FGFR4: variants seen among roughly 807,000 people sequenced by gnomAD.
FGFR4 encodes the protein hydroxyaryl-protein kinase.
FGFR4 carries 63 observed loss-of-function variants against 89.9 expected under a neutral mutation model. The observed-to-expected ratio is 0.70, with a 90% CI of 0.57 to 0.86. The LOEUF (loss-of-function observed/expected upper bound fraction) is 0.86, where lower values mean the gene tolerates loss of function less well. Ranked by LOEUF, FGFR4 falls within the 40% of genes least tolerant of loss-of-function variation. FGFR4 has a pLI of 0.00. For synonymous variants in FGFR4, 486 were observed against 479.4 expected (o/e 1.01, Z -0.18); for missense variants, 928 against 1,106.7 (o/e 0.84, Z 2.29).
rs1446930826 is a variant in FGFR4 at position 177,095,429 on chromosome 5, G to C, written c.1619G>C (p.Cys540Ser). The C allele has an allele frequency of 1.3e-5, 21 of 1,614,198 alleles. No homozygotes were observed. The highest frequency in any genetic ancestry group is 1.6e-5 in the Non-Finnish European group (19 of 1,180,028). Reference protein sequence around the residue: ...HKNIINLLGVCTQEGPLYVIV... With the variant: ...HKNIINLLGVSTQEGPLYVIV... ...AACATCATCAACCTGCTTGGTGTCT[G>C]CACCCAGGAAGGTGGGGCCGAGGCG... The change falls in exon 12 of 18, where the codon TGC (cysteine) becomes TCC (serine). Residue 540 changes from cysteine (C) to serine (S), a missense_variant. This residue lies in a region of FGFR4 where 741 missense variants were observed against 836.9 expected (regional missense o/e 0.89). Coordinates refer to ENST00000292408, the MANE Select transcript of FGFR4 (RefSeq NM_213647.3). This position sits in a 1 kb window ranked among gnomAD's most constrained non-coding sequence, Gnocchi z 5.7.
Position 177,090,505 on chromosome 5 carries a change from G to A in FGFR4, c.207G>A (p.Glu69=). Residue 69 remains glutamate (E), a synonymous_variant, in exon 3 of 18, where the codon GAG becomes GAA. Transcript: ENST00000292408. The part of the protein sequence containing the change: ...RAERGGHWYK[E]GSRLAPAGRV... ...AGCGTGGTGGCCACTGGTACAAGGA[G>A]GGCAGTCGCCTGGCACCTGCTGGCC... The A allele has an allele frequency of 6.4e-7, 1 of 1,570,438 alleles. No individual in the cohort carries two copies. Among genetic ancestry groups the A allele is most frequent in the South Asian group, 1.2e-5 (1 of 83,708 alleles).
rs1784547735 is a variant in FGFR4 at position 177,096,040 on chromosome 5, G to A, written c.1822-17G>A. ...AGGCCAGGTGTCCTGAGGCACCCAAGCCCCCGCTCCCTGCAGTGTATCCAC... is the reference window on the plus strand; with the variant it reads ...AGGCCAGGTGTCCTGAGGCACCCAAACCCCCGCTCCCTGCAGTGTATCCAC... On this transcript the variant is annotated splice_polypyrimidine_tract_variant and intron_variant, in intron 13 of 17. Transcript: ENST00000292408. The A allele has an allele frequency of 6.2e-7, 1 of 1,610,034 alleles. No individual in the cohort carries two copies. The highest frequency in any genetic ancestry group is 2.2e-5 in the East Asian group (1 of 44,846).
Position 177,090,670 on chromosome 5 carries a change from G to A in FGFR4, c.355+17G>A. ...TTACAGGTGGTAAGAGACTCTAGCAGGGAGTGAAGGGATGCCTGGGGAGAC... is the reference window on the plus strand; with the variant it reads ...TTACAGGTGGTAAGAGACTCTAGCAAGGAGTGAAGGGATGCCTGGGGAGAC... On this transcript the variant is annotated intron_variant, in intron 3 of 17. Transcript: ENST00000292408. 6.5e-7 allele frequency: 1 copy of A among 1,531,574 alleles called. No homozygotes were observed. Among genetic ancestry groups the A allele is most frequent in the African/African-American group, 1.4e-5 (1 of 72,274 alleles). 94.9% of individuals were successfully genotyped at this position (1,531,574 alleles called of 1,614,324 possible). A position where few individuals can be genotyped will look rare whatever the true frequency, so the allele number is the denominator to read the frequency against.
rs1165081855 is a variant in FGFR4, at chr5:177,091,668, A to G, written c.604-17A>G. The G allele has an allele frequency of 1.9e-6, 3 of 1,612,728 alleles. No individual in the cohort carries two copies. The highest frequency in any genetic ancestry group is 1.1e-5 in the South Asian group (1 of 90,954). ...TGGACATGGTCCGGTGGTCCCGGACACTCTCTCTGCCTGCAGCTGCGCCAT... is the reference window on the plus strand; with the variant it reads ...TGGACATGGTCCGGTGGTCCCGGACGCTCTCTCTGCCTGCAGCTGCGCCAT... On this transcript the variant is annotated splice_polypyrimidine_tract_variant and intron_variant, in intron 5 of 17. Coordinates refer to ENST00000292408, the MANE Select transcript of FGFR4 (RefSeq NM_213647.3).
chr5:177,092,739 TC>T lies in FGFR4; in HGVS notation c.1014del (p.Ile339SerfsTer112). ...AGEYTCLAGN[S>X]IGLSYQSAWL... The stretch of plus-strand genomic sequence containing the variant: ...CGAGTACACCTGCCTCGCAGGCAAT[TC>T]CATCGGCCTCTCCTACCAGTCTGCC... On this transcript the variant is annotated frameshift_variant, in exon 8 of 18. Coordinates refer to ENST00000292408, the MANE Select transcript of FGFR4 (RefSeq NM_213647.3). LOFTEE classifies it high-confidence loss of function. 6.2e-7 allele frequency: 1 copy of T among 1,614,234 alleles called. No individual in the cohort carries two copies. The highest frequency in any genetic ancestry group is 8.5e-7 in the Non-Finnish European group (1 of 1,180,040).
chr5:177,091,002 C>T lies in FGFR4; in HGVS notation c.501C>T (p.Thr167=), dbSNP rs754899280. ...KKLHAVPAGN[T]VKFRCPAAGN... is the part of the protein sequence containing the mutation. Reference sequence around the variant, plus strand: ...TGCATGCAGTACCTGCGGGGAACACCGTCAAGTTCCGCTGTCCAGCTGCAG... The same window carrying T: ...TGCATGCAGTACCTGCGGGGAACACTGTCAAGTTCCGCTGTCCAGCTGCAG... Residue 167 remains threonine, a synonymous_variant, in exon 5 of 18, where the codon ACC becomes ACT. Transcript: ENST00000292408. The T allele has an allele frequency of 6.8e-6, 11 of 1,613,694 alleles. No homozygotes were observed. The highest frequency in any genetic ancestry group is 3.3e-5 in the Admixed American group (2 of 59,998).
At chr5:177,094,394 G>A (rs1784476984) in intron 11 of FGFR4, among the ~76,000 whole-genome samples, 1 of 152,124 alleles carries the variant, frequency 6.6e-6, no homozygotes, top group Non-Finnish European at 1.5e-5. Flanking sequence ...GAAGAATTTG[G>A]TGTGACAGGC....
chr5:177,093,528 A>C lies in FGFR4; in HGVS notation c.1374A>C (p.Pro458=), dbSNP rs764371498. The change falls in exon 10 of 18, where the codon CCA becomes CCC. Residue 458 remains proline, a synonymous_variant. Transcript: ENST00000292408. This position sits in a 1 kb window ranked among gnomAD's most constrained non-coding sequence, Gnocchi z 5.8. ...TGAGTCTAGATCTACCTCTCGACCC[A>C]CTATGGGAGTTCCCCCGGGACAGGT... The part of the protein sequence containing the change: ...GLVSLDLPLD[P]LWEFPRDRLV... The C allele has an allele frequency of 3.1e-6, 5 of 1,613,576 alleles. No individual in the cohort carries two copies. Among genetic ancestry groups the C allele is most frequent in the Non-Finnish European group, 4.2e-6 (5 of 1,179,910 alleles).
intron 1 of FGFR4, among the ~76,000 whole-genome samples, chr5:177,088,868 A>G (rs1784252257): frequency 1.3e-5 from 2 of 151,798 alleles, no homozygotes; most frequent in Admixed American, 1.3e-4. Context: ...TGAGGATAGT[A>G]AGCCAGAGAG....
chr5:177,093,023 CGT>C lies in FGFR4; in HGVS notation c.1058-108_1058-107del, dbSNP rs760633822. 2.1e-6 allele frequency: 3 copies of C among 1,432,712 alleles called. No homozygotes were observed. The highest frequency in any genetic ancestry group is 2.9e-6 in the Non-Finnish European group (3 of 1,030,728). 88.7% of individuals were successfully genotyped at this position (1,432,712 alleles called of 1,614,324 possible). A position where few individuals can be genotyped will look rare whatever the true frequency, so the allele number is the denominator to read the frequency against. ...GACTGGGCATAACTACAGCTTCCTC[CGT>C]GTGTGTCCCCACATATGTTGGGAGC... On this transcript the variant is annotated intron_variant, in intron 8 of 17. Transcript: ENST00000292408. The surrounding 1 kb of genome is among the most constrained non-coding windows in gnomAD (Gnocchi z 5.8).
chr5:177,097,519 C>T lies in FGFR4; in HGVS notation c.2260-8C>T, dbSNP rs1192870828. The T allele has an allele frequency of 6.2e-7, 1 of 1,611,686 alleles. No homozygotes were observed. Among genetic ancestry groups the T allele is most frequent in the Non-Finnish European group, 8.5e-7 (1 of 1,178,718 alleles). ...GCTGCAGAGGCTGACCAGCTCCGTT[C>T]CCCACAGTACCTCGACCTCCGCCTG... is the stretch of plus-strand genomic sequence containing the variant. On this transcript the variant is annotated splice_polypyrimidine_tract_variant and splice_region_variant and intron_variant, in intron 17 of 17. Coordinates refer to ENST00000292408, the MANE Select transcript of FGFR4 (RefSeq NM_213647.3).
Position 177,095,416 on chromosome 5 carries a change from C to A in FGFR4, c.1606C>A (p.Leu536Met). The change falls in exon 12 of 18, where the codon CTG becomes ATG. Residue 536 changes from leucine to methionine, a missense_variant. Leu to Met is a conservative substitution (Grantham distance 15, BLOSUM62 2). Transcript: ENST00000292408. This position sits in a 1 kb window ranked among gnomAD's most constrained non-coding sequence, Gnocchi z 5.7. ...CGGCCGACACAAGAACATCATCAAC[C>A]TGCTTGGTGTCTGCACCCAGGAAGG... The part of the protein sequence containing the change: ...LIGRHKNIIN[L>M]LGVCTQEGPL... 6.2e-7 allele frequency: 1 copy of A among 1,614,230 alleles called. No individual in the cohort carries two copies. Among genetic ancestry groups the A allele is most frequent in the Non-Finnish European group, 8.5e-7 (1 of 1,180,044 alleles).
Position 177,095,784 on chromosome 5 carries a change from G to A in FGFR4, c.1821+61G>A. ...CTCCAGCTCCACTCTCAGGCCTGTGGCATTCAATGTCCCGACTTCTCCCTC... is the reference window on the plus strand; with the variant it reads ...CTCCAGCTCCACTCTCAGGCCTGTGACATTCAATGTCCCGACTTCTCCCTC... On this transcript the variant is annotated intron_variant, in intron 13 of 17. Coordinates refer to ENST00000292408, the MANE Select transcript of FGFR4 (RefSeq NM_213647.3). This position sits in a 1 kb window ranked among gnomAD's most constrained non-coding sequence, Gnocchi z 5.7. The A allele has an allele frequency of 6.9e-7, 1 of 1,455,692 alleles. No individual in the cohort carries two copies. The highest frequency in any genetic ancestry group is 9.2e-7 in the Non-Finnish European group (1 of 1,092,730). 90.2% of individuals were successfully genotyped at this position (1,455,692 alleles called of 1,614,324 possible).
In FGFR4 at chr5:177,093,927, T is replaced by C. The variant is rs1266687429; in HGVS notation, c.1519+152T>C. 2 of 964,754 alleles carry C rather than the reference T, an allele frequency of 2.1e-6. No individual in the cohort carries two copies. The highest frequency in any genetic ancestry group is 3.0e-6 in the Non-Finnish European group (2 of 672,644). 59.8% of individuals were successfully genotyped at this position (964,754 alleles called of 1,614,324 possible). On this transcript the variant is annotated intron_variant, in intron 11 of 17. Transcript: ENST00000292408. This position sits in a 1 kb window ranked among gnomAD's most constrained non-coding sequence, Gnocchi z 5.8. ...ACAAAAAAAAAATAAGAAAATTAGT[T>C]GGGTGTGGTGGTGTGTGCCTTTAGT...
chr5:177,092,732 A>G lies in FGFR4; in HGVS notation c.1005A>G (p.Ala335=). ...AEDAGEYTCL[A]GNSIGLSYQS... The stretch of plus-strand genomic sequence containing the variant: ...ACGCAGGCGAGTACACCTGCCTCGC[A>G]GGCAATTCCATCGGCCTCTCCTACC... The change falls in exon 8 of 18, where the codon GCA becomes GCG. Residue 335 remains alanine (A), a synonymous_variant. Coordinates refer to ENST00000292408, the MANE Select transcript of FGFR4 (RefSeq NM_213647.3). 6.2e-7 allele frequency: 1 copy of G among 1,614,246 alleles called. No homozygotes were observed. The highest frequency in any genetic ancestry group is 8.5e-7 in the Non-Finnish European group (1 of 1,180,038).
rs1402034116 is a variant in FGFR4, at chr5:177,096,905, TTCCTCCTCCTCTTCC to T, written c.2153+199_2153+213del. Among the ~76,000 whole-genome samples the T allele has an allele frequency of 1.0e-3, 16 of 15,506 alleles. 1 individual carries two copies. The highest frequency in any genetic ancestry group is 1.9e-3 in the Non-Finnish European group (15 of 8,092). The allele number at this position is 15,506 out of a possible 152,430, so 10.2% of individuals were successfully genotyped here. A position where few individuals can be genotyped will look rare whatever the true frequency, so the allele number is the denominator to read the frequency against. ...CCTCCTCCTCTTCCTCCTCCTCCTC[TTCCTCCTCCTCTTCC>T]TCCTCCTCCTCTTCCTCCTCCTCCT... On this transcript the variant is annotated intron_variant, in intron 16 of 17. Transcript: ENST00000292408.
chr5:177,093,119 T>C lies in FGFR4; in HGVS notation c.1058-19T>C, dbSNP rs759087410. 6.2e-7 allele frequency: 1 copy of C among 1,613,984 alleles called. No homozygotes were observed. ...ACTGACCAGTTTGTCTGTCTGTGTGTGTCCATGTGCGAGGGCAGAGGAGGA... is the reference window on the plus strand; with the variant it reads ...ACTGACCAGTTTGTCTGTCTGTGTGCGTCCATGTGCGAGGGCAGAGGAGGA... On this transcript the variant is annotated intron_variant, in intron 8 of 17. Transcript: ENST00000292408. This position sits in a 1 kb window ranked among gnomAD's most constrained non-coding sequence, Gnocchi z 5.8.
intron 14 of FGFR4, 26 bp from the exon 15 acceptor site, chr5:177,096,261 G>T: frequency 6.2e-7 from 1 of 1,613,978 alleles, no homozygotes; most frequent in Non-Finnish European, 8.5e-7. Flanking sequence ...GTGGGACTCT[G>T]CACTGAGGCC....
chr5:177,097,202 CA>C, intron 16 of FGFR4, 89 bp from the exon 17 acceptor site: 1 of 1,075,596 alleles, frequency 9.3e-7, no homozygotes. Flanking sequence ...AACTCCCCAC[CA>C]AACTCCTCCC....
Sources: allele counts gnomAD v4.1 joint callset (sites outside exome capture counted in the v4.1 genomes callset), GRCh38; gene constraint gnomAD v4.1.1; regional missense constraint gnomAD v4.1.1; non-coding constraint Gnocchi (gnomAD v3.1); transcripts MANE v1.5; gene names NCBI Gene and HGNC (gene_info 2026-07-23, HGNC 2026-07-21).